Variants in LYPD6B observed in about 807,000 individuals in gnomAD.
The protein encoded by LYPD6B is ly6/PLAUR domain-containing protein 6B.
LYPD6B carries 17 observed loss-of-function variants against 22.8 expected under a neutral mutation model. The ratio of observed to expected loss-of-function variants is 0.75; its 90% confidence interval spans 0.51 to 1.12. The LOEUF (loss-of-function observed/expected upper bound fraction) is 1.12. Among genes scored for constraint, LYPD6B ranks in the 50% most tolerant of loss-of-function variants. The pLI, the probability that LYPD6B is intolerant of heterozygous loss-of-function variation, is 0.00. For missense variants in LYPD6B, 221 were observed against 258.3 expected (o/e 0.86, Z 0.99); for synonymous variants, 106 against 91.6 (o/e 1.16, Z -0.90).
chr2:149,109,278 T>C (rs1686643497), intron 1 of LYPD6B, among the ~76,000 whole-genome samples: 1 of 152,180 alleles, frequency 6.6e-6, no homozygotes, highest in African/African-American at 2.4e-5. Flanking sequence ...ACTTAGGTTT[T>C]TGAAATACAC....
intron 1 of LYPD6B, among the ~76,000 whole-genome samples, chr2:149,121,219 T>C (rs1402933292): frequency 1.3e-5 from 2 of 152,252 alleles, no homozygotes; most frequent in Non-Finnish European, 2.9e-5. Context: ...GACATGATAC[T>C]AGTTTTCTTC....
At chr2:149,078,932 A>G (rs867680664) in intron 1 of LYPD6B, among the ~76,000 whole-genome samples, 36 of 151,558 alleles carry the variant, frequency 2.4e-4, no homozygotes, top group African/African-American at 8.0e-4. Context: ...ACTTGAGCCC[A>G]GGGGTTTGAG....
chr2:149,203,271 A>C (rs551371686), intron 3 of LYPD6B, among the ~76,000 whole-genome samples: 50 of 152,346 alleles, frequency 3.3e-4, no homozygotes, highest in African/African-American at 1.2e-3. Context: ...AATGTAGATA[A>C]CGTGACACTG....
chr2:149,127,282 G>T (rs1367816986), intron 1 of LYPD6B, among the ~76,000 whole-genome samples: 2 of 152,108 alleles, frequency 1.3e-5, no homozygotes, highest in African/African-American at 2.4e-5. Flanking sequence ...GAAATTATTT[G>T]TGTGAGCTTA....
chr2:149,054,717 AGAAAAAATAAAATTAGCTGGGCATCGT>A (rs1268033573), intron 1 of LYPD6B, among the ~76,000 whole-genome samples: 1 of 152,148 alleles, frequency 6.6e-6, no homozygotes, highest in Non-Finnish European at 1.5e-5. Context: ...TCTACAAAAA[AGAAAAAATAAAATTAGCTGGGCATCGT>A]GGCGTGCACC....
chr2:149,041,680 G>A (rs1683095623), intron 1 of LYPD6B, among the ~76,000 whole-genome samples: 1 of 152,216 alleles, frequency 6.6e-6, no homozygotes, highest in Admixed American at 6.5e-5. Context: ...GTCTGGCACA[G>A]ATTGGTAATC....
At chr2:149,057,294 A>G (rs1201442140) in intron 1 of LYPD6B, among the ~76,000 whole-genome samples, 1 of 152,230 alleles carries the variant, frequency 6.6e-6, no homozygotes, top group East Asian at 1.9e-4. Context: ...GTCTCAGGCT[A>G]CAAAAGAAAA....
intron 1 of LYPD6B, among the ~76,000 whole-genome samples, chr2:149,105,371 T>A (rs1201300260): frequency 6.6e-6 from 1 of 152,158 alleles, no homozygotes. Flanking sequence ...GGATTTTGAT[T>A]GTATGGTGTA....
At chr2:149,077,212 A>C (rs1228521558) in intron 1 of LYPD6B, among the ~76,000 whole-genome samples, 1 of 152,170 alleles carries the variant, frequency 6.6e-6, no homozygotes, top group Non-Finnish European at 1.5e-5. Flanking sequence ...CTTTGCAAAG[A>C]TAAGGCAAAA....
At chr2:149,098,665 G>C (rs1252655711) in intron 1 of LYPD6B, among the ~76,000 whole-genome samples, 1 of 134,272 alleles carries the variant, frequency 7.4e-6, no homozygotes, top group Non-Finnish European at 1.6e-5. Flanking sequence ...AAATGGCTTT[G>C]GTTTCTTGTA....
In LYPD6B at chr2:149,081,818, T is replaced by C. The variant is rs748795601; in HGVS notation, c.-67+43017T>C. On this transcript the variant is annotated intron_variant, in intron 1 of 6. Coordinates refer to ENST00000409642, the MANE Select transcript of LYPD6B (RefSeq NM_177964.5). ...TTTTAGCTAAAAAATTAAATAAATA[T>C]CATATAGCCCTAGAGTATGTACTTT... Among the ~76,000 whole-genome samples the C allele has an allele frequency of 1.2e-4, 18 of 152,190 alleles. 1 individual carries two copies. Among genetic ancestry groups the C allele is most frequent in the Admixed American group, 5.2e-4 (8 of 15,278 alleles).
intron 3 of LYPD6B, among the ~76,000 whole-genome samples, chr2:149,162,844 T>G (rs1690167525): frequency 6.6e-6 from 1 of 152,230 alleles, no homozygotes; most frequent in East Asian, 1.9e-4. Flanking sequence ...TGCTGAGTAC[T>G]CTATTAAATG....
At chr2:149,040,383 G>A (rs1332205042) in intron 1 of LYPD6B, among the ~76,000 whole-genome samples, 4 of 152,000 alleles carry the variant, frequency 2.6e-5, no homozygotes, top group Non-Finnish European at 5.9e-5. Flanking sequence ...CGGCCACCAC[G>A]TGGGACTAAT....
intron 2 of LYPD6B, among the ~76,000 whole-genome samples, chr2:149,159,908 C>A (rs1015659780): frequency 3.3e-5 from 5 of 152,090 alleles, no homozygotes; most frequent in Non-Finnish European, 5.9e-5. Context: ...AAATGCTAAT[C>A]ACATATAAAA....
chr2:149,205,014 G>T (rs2106142431), intron 3 of LYPD6B: 1 of 409,844 alleles, frequency 2.4e-6, no homozygotes, highest in East Asian at 4.1e-5. Context: ...AACTCAAAAG[G>T]CCATCGAGTG....
chr2:149,095,222 G>C (rs1055744577), intron 1 of LYPD6B, among the ~76,000 whole-genome samples: 2 of 152,158 alleles, frequency 1.3e-5, no homozygotes, highest in African/African-American at 4.8e-5. Flanking sequence ...CTTGAACCCG[G>C]GAGGCAGAGG....
intron 2 of LYPD6B, among the ~76,000 whole-genome samples, chr2:149,132,224 C>T (rs2105707118): frequency 6.7e-6 from 1 of 149,700 alleles, no homozygotes; most frequent in Non-Finnish European, 1.5e-5. Context: ...TGTAAATTTT[C>T]CAGGGCCATG....
chr2:149,056,367 T>C (rs1683792524), intron 1 of LYPD6B, among the ~76,000 whole-genome samples: 1 of 152,130 alleles, frequency 6.6e-6, no homozygotes, highest in Admixed American at 6.5e-5. Context: ...TTTCATATTC[T>C]GGCAAGTGGT....
At chr2:149,072,460 A>C (rs1005283177) in intron 1 of LYPD6B, among the ~76,000 whole-genome samples, 1 of 143,376 alleles carries the variant, frequency 7.0e-6, no homozygotes, top group Non-Finnish European at 1.6e-5. Context: ...AACACAGGAA[A>C]GGGAGAATGC....
Sources: gnomAD v4.1 joint callset for allele counts (sites outside exome capture counted in the v4.1 genomes callset) on GRCh38, gnomAD v4.1.1 for gene constraint, MANE v1.5 for transcripts, NCBI Gene and HGNC (gene_info 2026-07-23, HGNC 2026-07-21) for gene names.